Variants in LINGO2 observed in about 807,000 individuals in gnomAD.
LINGO2 encodes leucine rich repeat and Ig domain containing 2.
Under a neutral mutation model 30.6 loss-of-function variants are expected in LINGO2, and 14 were observed. That is an observed-to-expected ratio of 0.46 (90% confidence interval 0.30 to 0.72). The LOEUF is 0.72. Ranked by LOEUF, LINGO2 falls within the 30% of genes least tolerant of loss-of-function variation. The pLI is 0.07. For missense variants in LINGO2, 729 were observed against 751.7 expected (o/e 0.97, Z 0.35); for synonymous variants, 317 against 288.5 (o/e 1.10, Z -1.00).
chr9:28,459,727 A>G (rs1202092739), intron 2 of LINGO2, among the ~76,000 whole-genome samples: 1 of 151,786 alleles, frequency 6.6e-6, no homozygotes, highest in African/African-American at 2.4e-5. Context: ...AAATAAATAA[A>G]TGATAATCTG....
intron 3 of LINGO2, among the ~76,000 whole-genome samples, chr9:28,297,338 T>A (rs1334226085): frequency 6.6e-6 from 1 of 152,230 alleles, no homozygotes; most frequent in East Asian, 1.9e-4. Flanking sequence ...GATTTTCCAC[T>A]AACTTTTGTT....
chr9:28,191,771 CT>C (rs1290968039), intron 4 of LINGO2, among the ~76,000 whole-genome samples: 1 of 152,116 alleles, frequency 6.6e-6, no homozygotes, highest in African/African-American at 2.4e-5. Flanking sequence ...ACCTCTCCTT[CT>C]TTCTTGAAAC....
the LINGO2 span, among the ~76,000 whole-genome samples, chr9:28,784,539 T>C: frequency 6.6e-6 from 1 of 152,192 alleles, no homozygotes; most frequent in Non-Finnish European, 1.5e-5. Flanking sequence ...AAAATAGATA[T>C]AAAAAGTTTT....
chr9:28,741,538 G>C, the LINGO2 span, among the ~76,000 whole-genome samples: 1 of 151,996 alleles, frequency 6.6e-6, no homozygotes, highest in East Asian at 1.9e-4. Flanking sequence ...AGCCAATCTT[G>C]CTCTGGGATA....
At chr9:28,788,507 G>A in the LINGO2 span, among the ~76,000 whole-genome samples, 197 of 152,244 alleles carry the variant, frequency 1.3e-3, no homozygotes, top group Non-Finnish European at 2.2e-3. Context: ...CGAACCACAC[G>A]TGTATTAGTA....
At chr9:28,201,906 G>A (rs899933965) in intron 4 of LINGO2, among the ~76,000 whole-genome samples, 1 of 151,926 alleles carries the variant, frequency 6.6e-6, no homozygotes, top group Non-Finnish European at 1.5e-5. Context: ...CTACACTTGC[G>A]ATCTCCCTTC....
At chr9:29,039,247 T>A in the LINGO2 span, among the ~76,000 whole-genome samples, 1 of 152,142 alleles carries the variant, frequency 6.6e-6, no homozygotes, top group South Asian at 2.1e-4. Context: ...GATGCTGAAA[T>A]CTGAGTGTAG....
chr9:28,603,018 G>A (rs1174312448), intron 1 of LINGO2, among the ~76,000 whole-genome samples: 1 of 152,162 alleles, frequency 6.6e-6, no homozygotes, highest in African/African-American at 2.4e-5. Context: ...GGATAAAGAA[G>A]ATGTCCAATA....
the LINGO2 span, among the ~76,000 whole-genome samples, chr9:29,078,095 A>G: frequency 1.3e-5 from 2 of 151,972 alleles, no homozygotes; most frequent in African/African-American, 4.8e-5. Context: ...GATGATTATT[A>G]ACATTAATTT....
the LINGO2 span, among the ~76,000 whole-genome samples, chr9:29,031,266 G>A: frequency 1.3e-5 from 2 of 151,722 alleles, no homozygotes; most frequent in African/African-American, 4.8e-5. Context: ...TGGTGGTGGT[G>A]GTGGTGATTT....
At chr9:27,956,888 T>C (rs915180810) in intron 5 of LINGO2, among the ~76,000 whole-genome samples, 10 of 152,058 alleles carry the variant, frequency 6.6e-5, no homozygotes, top group African/African-American at 2.4e-4. Context: ...AAGCCATGAG[T>C]TTGAGATCAG....
intron 4 of LINGO2, among the ~76,000 whole-genome samples, chr9:28,012,585 T>C (rs1280412366): frequency 1.3e-5 from 2 of 152,044 alleles, no homozygotes; most frequent in Non-Finnish European, 2.9e-5. Flanking sequence ...CAACAATCCA[T>C]TCAAGCCACC....
the LINGO2 span, among the ~76,000 whole-genome samples, chr9:28,877,069 A>G: frequency 1.4e-5 from 2 of 147,922 alleles, no homozygotes; most frequent in Non-Finnish European, 3.0e-5. Flanking sequence ...GTGTCTGTTC[A>G]TGTCCTTCAC....
the LINGO2 span, among the ~76,000 whole-genome samples, chr9:29,171,915 T>A: frequency 6.6e-6 from 1 of 151,924 alleles, no homozygotes; most frequent in Non-Finnish European, 1.5e-5. Flanking sequence ...AATTCTATAA[T>A]ACATGTTAAT....
At chr9:28,610,032 A>G (rs1215994991) in intron 1 of LINGO2, among the ~76,000 whole-genome samples, 1 of 152,138 alleles carries the variant, frequency 6.6e-6, no homozygotes, top group African/African-American at 2.4e-5. Flanking sequence ...TAGATCTGGA[A>G]GGACACATAC....
chr9:28,568,923 T>C (rs756998337), intron 1 of LINGO2, among the ~76,000 whole-genome samples: 14 of 146,816 alleles, frequency 9.5e-5, no homozygotes, highest in African/African-American at 3.0e-4. Flanking sequence ...CGAGTAAAGG[T>C]TGGTATATAT....
the LINGO2 span, among the ~76,000 whole-genome samples, chr9:28,744,209 G>A: frequency 3.8e-4 from 57 of 150,882 alleles, no homozygotes; most frequent in African/African-American, 1.1e-3. Context: ...TCTCTTTGCT[G>A]ATATTCTCTA....
intron 2 of LINGO2, among the ~76,000 whole-genome samples, chr9:28,400,822 G>A (rs560599835): frequency 1.3e-5 from 2 of 152,328 alleles, no homozygotes; most frequent in South Asian, 2.1e-4. Flanking sequence ...GAGCATGTAA[G>A]AAGTTCTGAA....
chr9:29,137,461 G>A, the LINGO2 span, among the ~76,000 whole-genome samples: 1 of 152,098 alleles, frequency 6.6e-6, no homozygotes, highest in Admixed American at 6.5e-5. Flanking sequence ...TGTGTATAGG[G>A]GAGGAGAATG....
Sources: allele counts gnomAD v4.1 joint callset (sites outside exome capture counted in the v4.1 genomes callset), GRCh38; gene constraint gnomAD v4.1.1; transcripts MANE v1.5; gene names NCBI Gene and HGNC (gene_info 2026-07-23, HGNC 2026-07-21).